Variants in DYNC1I1 observed in about 807,000 individuals in gnomAD.
The protein encoded by DYNC1I1 is cytoplasmic dynein 1 intermediate chain 1.
In DYNC1I1, 43 loss-of-function variants were observed where a neutral mutation model predicts 86.6. The ratio of observed to expected loss-of-function variants is 0.50; its 90% CI spans 0.39 to 0.64. DYNC1I1 has a LOEUF of 0.64. Ranked by LOEUF, DYNC1I1 falls within the 30% of genes least tolerant of loss-of-function variation. The probability of loss-of-function intolerance (pLI) is 0.00; values close to 1 mark genes in which losing one functional copy is unlikely to be tolerated. For missense variants in DYNC1I1, 604 were observed against 788.8 expected, an observed-to-expected ratio of 0.77 and a Z score of 2.81; for synonymous variants, 262 against 283.7, an observed-to-expected ratio of 0.92 and a Z score of 0.77.
chr7:95,953,141 TA>T (rs1467707157), intron 6 of DYNC1I1, among the ~76,000 whole-genome samples: 1 of 149,756 alleles, frequency 6.7e-6, no homozygotes, highest in Non-Finnish European at 1.5e-5. Flanking sequence ...ATACAGAGAA[TA>T]AAACAGACAA....
rs536939409 is a variant in DYNC1I1, at chr7:95,889,962, G to A, written c.490+19964G>A. 1.4e-3 allele frequency among the ~76,000 whole-genome samples: 215 copies of A among 152,336 alleles called. 1 individual carries two copies. Among genetic ancestry groups the A allele is most frequent in the African/African-American group, 4.9e-3 (204 of 41,588 alleles). On this transcript the variant is annotated intron_variant, in intron 6 of 16. Transcript: ENST00000447467. ...AAAACTAACAGATGCTGGCAAGGTTGCGGATAAAAGAGAATGCTTACACAC... is the reference window on the plus strand; with the variant it reads ...AAAACTAACAGATGCTGGCAAGGTTACGGATAAAAGAGAATGCTTACACAC...
chr7:95,900,536 G>A (rs1791009696), intron 6 of DYNC1I1, among the ~76,000 whole-genome samples: 1 of 152,226 alleles, frequency 6.6e-6, no homozygotes, highest in South Asian at 2.1e-4. Context: ...GTCAAGCTGA[G>A]GTCATTGCTA....
At chr7:95,910,265 C>T (rs1054927939) in intron 6 of DYNC1I1, among the ~76,000 whole-genome samples, 1 of 152,134 alleles carries the variant, frequency 6.6e-6, no homozygotes, top group African/African-American at 2.4e-5. Flanking sequence ...GAGCTAAAAC[C>T]CTAACTCTAG....
chr7:95,801,930 T>C (rs2115780232), intron 1 of DYNC1I1, among the ~76,000 whole-genome samples: 1 of 152,336 alleles, frequency 6.6e-6, no homozygotes, highest in African/African-American at 2.4e-5. Flanking sequence ...CAGTCGGACC[T>C]GGTGGATCTA....
intron 14 of DYNC1I1, among the ~76,000 whole-genome samples, chr7:96,047,149 G>A (rs745901014): frequency 7.2e-5 from 11 of 152,084 alleles, no homozygotes; most frequent in Non-Finnish European, 1.0e-4. Flanking sequence ...GCTCCTTGAA[G>A]CCTCTTTTAT....
At chr7:96,091,031 C>T (rs926973538) in intron 16 of DYNC1I1, among the ~76,000 whole-genome samples, 1 of 152,122 alleles carries the variant, frequency 6.6e-6, no homozygotes, top group African/African-American at 2.4e-5. Context: ...TCCCACTTTG[C>T]TCCCATCTGT....
chr7:95,936,072 C>T (rs998149349), intron 6 of DYNC1I1, among the ~76,000 whole-genome samples: 20 of 151,980 alleles, frequency 1.3e-4, no homozygotes, highest in Non-Finnish European at 2.8e-4. Context: ...ACGTACCTCA[C>T]ATTTCTCATA....
In DYNC1I1 at chr7:96,063,067, A is replaced by G. The variant is rs973514405; in HGVS notation, c.1510-12990A>G. ...AAAAGAGGCTCTGCTGTCTTCAGAA[A>G]GGGGAATATATGTGTATGTGTGTGT... On this transcript the variant is annotated intron_variant, in intron 14 of 16. Transcript: ENST00000447467. Among the ~76,000 whole-genome samples, 5 of 151,694 alleles carry G rather than the reference A, an allele frequency of 3.3e-5. No individual in the cohort carries two copies. In the South Asian group the frequency reaches 1.1e-3, roughly 32 times the overall value.
At chr7:96,031,527 G>C (rs1794807211) in intron 11 of DYNC1I1, among the ~76,000 whole-genome samples, 1 of 152,142 alleles carries the variant, frequency 6.6e-6, no homozygotes, top group South Asian at 2.1e-4. Flanking sequence ...GCCCTTTAAG[G>C]AAGGTGTTTA....
chr7:95,842,323 G>C (rs1789307071), intron 5 of DYNC1I1, among the ~76,000 whole-genome samples: 2 of 152,112 alleles, frequency 1.3e-5, no homozygotes, highest in African/African-American at 4.8e-5. Flanking sequence ...GGAAGGGGAG[G>C]GGTCTAGTTA....
At chr7:95,899,566 GC>G (rs1399001574) in intron 6 of DYNC1I1, among the ~76,000 whole-genome samples, 1 of 152,160 alleles carries the variant, frequency 6.6e-6, no homozygotes, top group African/African-American at 2.4e-5. Context: ...TTATATATTA[GC>G]TTGAGTCAAT....
chr7:96,045,077 T>C (rs1789169432), intron 14 of DYNC1I1, among the ~76,000 whole-genome samples: 2 of 152,100 alleles, frequency 1.3e-5, no homozygotes, highest in Admixed American at 6.5e-5. Flanking sequence ...TCTGATGTTA[T>C]AGGCTAAGGA....
chr7:95,786,623 C>T (rs1794154841), intron 1 of DYNC1I1, among the ~76,000 whole-genome samples: 2 of 152,186 alleles, frequency 1.3e-5, no homozygotes, highest in Non-Finnish European at 2.9e-5. Context: ...GTGGAGCCAA[C>T]TACTTAGGCT....
intron 1 of DYNC1I1, among the ~76,000 whole-genome samples, chr7:95,777,205 G>A (rs943349144): frequency 1.3e-5 from 2 of 152,182 alleles, no homozygotes; most frequent in Non-Finnish European, 2.9e-5. Context: ...ATGTCTCCCA[G>A]AGTGGCAGAA....
At chr7:95,916,184 T>C (rs1207195087) in intron 6 of DYNC1I1, among the ~76,000 whole-genome samples, 2 of 152,240 alleles carry the variant, frequency 1.3e-5, no homozygotes, top group African/African-American at 4.8e-5. Flanking sequence ...GAAATATTTC[T>C]AACTAAAAAT....
intron 5 of DYNC1I1, among the ~76,000 whole-genome samples, chr7:95,859,652 T>C (rs1290327914): frequency 6.6e-6 from 1 of 152,226 alleles, no homozygotes; most frequent in Non-Finnish European, 1.5e-5. Flanking sequence ...TGGAATCTCC[T>C]GCCACTGAGA....
At chr7:96,043,920 G>T (rs2116063716) in intron 14 of DYNC1I1, among the ~76,000 whole-genome samples, 1 of 152,168 alleles carries the variant, frequency 6.6e-6, no homozygotes. Context: ...ATGTTGGCCA[G>T]GCTGGTCTCG....
At chr7:95,778,882 C>G (rs1389742892) in intron 1 of DYNC1I1, among the ~76,000 whole-genome samples, 4 of 151,970 alleles carry the variant, frequency 2.6e-5, no homozygotes, top group Admixed American at 1.3e-4. Context: ...CCAGGCTGGT[C>G]TTGAACTTGT....
At chr7:95,783,135 C>A (rs1706832695) in intron 1 of DYNC1I1, among the ~76,000 whole-genome samples, 1 of 152,122 alleles carries the variant, frequency 6.6e-6, no homozygotes, top group African/African-American at 2.4e-5. Flanking sequence ...CTGGGAACCA[C>A]CCTCTTCTAC....
Sources: allele counts gnomAD v4.1 joint callset (sites outside exome capture counted in the v4.1 genomes callset), GRCh38; gene constraint gnomAD v4.1.1; transcripts MANE v1.5; gene names NCBI Gene and HGNC (gene_info 2026-07-23, HGNC 2026-07-21).